Variants in USP43 observed in about 807,000 individuals in gnomAD.
The protein encoded by USP43 is ubiquitin specific peptidase 43, also known as ubiquitin carboxyl-terminal hydrolase 43.
A neutral mutation model predicts 90.7 loss-of-function variants in USP43; 33 were observed. The observed-to-expected ratio is 0.36, with a 90% CI of 0.28 to 0.49. The LOEUF is 0.49. Among genes scored for constraint, USP43 ranks in the 20% least tolerant of loss-of-function variants. The pLI, the probability that USP43 is intolerant of heterozygous loss-of-function variation, is 0.98. For synonymous variants in USP43, 598 were observed against 615.8 expected, an observed-to-expected ratio of 0.97 and a Z score of 0.43; for missense variants, 1,274 against 1,476.4, an observed-to-expected ratio of 0.86 and a Z score of 2.25.
At chr17:9,685,322 G>A (rs1007140885) in intron 7 of USP43, among the ~76,000 whole-genome samples, 3 of 152,202 alleles carry the variant, frequency 2.0e-5, no homozygotes, top group Non-Finnish European at 4.4e-5. Context: ...GCCCATAGGC[G>A]CAGGCTCACC....
chr17:9,728,591 C>A lies in USP43; in HGVS notation c.2973C>A (p.Pro991=), dbSNP rs1363517141. 1.9e-6 allele frequency: 3 copies of A among 1,613,924 alleles called. No individual in the cohort carries two copies. Among genetic ancestry groups the A allele is most frequent in the Admixed American group, 3.3e-5 (2 of 60,018 alleles). Residue 991 remains proline, a synonymous_variant, in exon 15 of 15, where the codon CCC becomes CCA. Transcript: ENST00000285199. The surrounding 1 kb of genome is among the most constrained non-coding windows in gnomAD (Gnocchi z 6.2). ...SRRGTSELDR[P]LQGTLTLLRS... The stretch of plus-strand genomic sequence containing the variant: ...GAGGCACCTCTGAGCTAGACAGACC[C>A]CTGCAGGGGACACTCACCCTTCTGA...
At chr17:9,681,309 AATATATATAAAT>A (rs1339546918) in intron 6 of USP43, among the ~76,000 whole-genome samples, 3 of 112,060 alleles carry the variant, frequency 2.7e-5, no homozygotes, top group Non-Finnish European at 5.0e-5. Flanking sequence ...AATATAGATA[AATATATATAAAT>A]ATATATATAA....
intron 2 of USP43, among the ~76,000 whole-genome samples, chr17:9,657,606 G>A (rs1912353203): frequency 6.6e-6 from 1 of 152,118 alleles, no homozygotes; most frequent in African/African-American, 2.4e-5. Context: ...GAGGCCTCAG[G>A]AAACTTACAA....
In USP43 at chr17:9,701,075, G is replaced by A. The variant is rs1428543949; in HGVS notation, c.1536-44G>A. 1 of 1,438,786 alleles carries A rather than the reference G, an allele frequency of 7.0e-7. No homozygotes were observed. Among genetic ancestry groups the A allele is most frequent in the African/African-American group, 1.4e-5 (1 of 69,594 alleles). 89.1% of individuals were successfully genotyped at this position (1,438,786 alleles called of 1,614,324 possible). ...TAGAGACATAGACGAAACCTGTCTG[G>A]GAGCAGGAAAGTCCTGAACGCCGTG... On this transcript the variant is annotated intron_variant, in intron 10 of 14. Transcript: ENST00000285199. The surrounding 1 kb of genome is among the most constrained non-coding windows in gnomAD (Gnocchi z 7.2).
chr17:9,645,393 G>A (rs928519500), upstream of USP43: 3 of 272,318 alleles, frequency 1.1e-5, no homozygotes, highest in African/African-American at 6.7e-5. The surrounding 1 kb of genome is among the most constrained non-coding windows in gnomAD (Gnocchi z 6.8). Context: ...CAGCGCAGCG[G>A]GGGCGGCACC....
chr17:9,726,754 G>T (rs1460920854), intron 14 of USP43, among the ~76,000 whole-genome samples: 1 of 152,158 alleles, frequency 6.6e-6, no homozygotes, highest in Non-Finnish European at 1.5e-5. Flanking sequence ...TGATGAAGTG[G>T]CACAGTGAGA....
chr17:9,646,257 C>T (rs1484882047), intron 1 of USP43, 121 bp downstream of exon 1: 1 of 1,254,324 alleles, frequency 8.0e-7, no homozygotes, highest in Non-Finnish European at 1.0e-6. Flanking sequence ...CAGTTCAGCC[C>T]CGGATTACCG....
At chr17:9,683,291 G>C (rs949680362) in intron 7 of USP43, among the ~76,000 whole-genome samples, 1 of 152,118 alleles carries the variant, frequency 6.6e-6, no homozygotes, top group Non-Finnish European at 1.5e-5. Flanking sequence ...TTGGTTGTCT[G>C]TCCAGAAAAC....
chr17:9,681,462 T>TTTTTTATA lies in USP43; in HGVS notation c.1105+1097_1105+1098insTTTTATAT, dbSNP rs1491455898. ...TATAGATAAATATATATAAAATATA[T>TTTTTTATA]TATATATATATATATATATATATAT... On this transcript the variant is annotated intron_variant, in intron 6 of 14. Coordinates refer to ENST00000285199, the MANE Select transcript of USP43 (RefSeq NM_153210.5). Among the ~76,000 whole-genome samples the TTTTTTATA allele has an allele frequency of 7.8e-3, 144 of 18,566 alleles. 4 individuals are homozygous for TTTTTTATA. In the East Asian group the frequency reaches 0.079, roughly 10 times the overall value. 12.2% of individuals were successfully genotyped at this position (18,566 alleles called of 152,430 possible). A position where few individuals can be genotyped will look rare whatever the true frequency, so the allele number is the denominator to read the frequency against.
At chr17:9,706,684 C>T (rs1201900263) in intron 12 of USP43, among the ~76,000 whole-genome samples, 4 of 127,592 alleles carry the variant, frequency 3.1e-5, no homozygotes, top group African/African-American at 1.2e-4. Context: ...CGCTCTGTGT[C>T]CCAGGCTGGA....
At chr17:9,678,780 TGA>T (rs1332237224) in intron 5 of USP43, among the ~76,000 whole-genome samples, 1 of 152,042 alleles carries the variant, frequency 6.6e-6, no homozygotes, top group Non-Finnish European at 1.5e-5. Context: ...TCTTTTACAT[TGA>T]GCAATTTTTC....
chr17:9,648,212 G>A (rs1161836666), intron 1 of USP43, among the ~76,000 whole-genome samples: 2 of 152,242 alleles, frequency 1.3e-5, no homozygotes, highest in Non-Finnish European at 2.9e-5. Context: ...AATTTCCTGG[G>A]ATTTTTGGGT....
Position 9,728,709 on chromosome 17 carries a change from A to G in USP43, c.3091A>G (p.Ser1031Gly). The G allele has an allele frequency of 6.2e-7, 1 of 1,604,176 alleles. No individual in the cohort carries two copies. The highest frequency in any genetic ancestry group is 8.5e-7 in the Non-Finnish European group (1 of 1,175,922). ...CGTCTCCCTGGTGAGTGGCGGGCTG[A>G]GCCCTGCCATGGACGGGCAGGCTCC... is the stretch of plus-strand genomic sequence containing the variant. The part of the protein sequence containing the change: ...PPVSLVSGGL[S>G]PAMDGQAPGS... The change falls in exon 15 of 15, where the codon AGC becomes GGC. Residue 1031 changes from serine (S) to glycine (G), a missense_variant. This residue lies in a region of USP43 where 353 missense variants were observed against 329.7 expected (regional missense o/e 1.07). Transcript: ENST00000285199. The surrounding 1 kb of genome is among the most constrained non-coding windows in gnomAD (Gnocchi z 6.2).
At chr17:9,646,513 C>A (rs1381587384) in intron 1 of USP43, among the ~76,000 whole-genome samples, 1 of 152,074 alleles carries the variant, frequency 6.6e-6, no homozygotes, top group Admixed American at 6.6e-5. Flanking sequence ...AAGGCCAAGG[C>A]CTCAGAGGAA....
At chr17:9,704,488 G>A (rs1399004695) in intron 12 of USP43, among the ~76,000 whole-genome samples, 1 of 151,278 alleles carries the variant, frequency 6.6e-6, no homozygotes, top group Non-Finnish European at 1.5e-5. Flanking sequence ...GCTAATTTTT[G>A]TATTTTTTAG....
At position 9,693,139 on chromosome 17, in the gene USP43, C is replaced by A; in HGVS notation, c.1366C>A (p.Leu456Met). 1 of 1,613,566 alleles carries A rather than the reference C, an allele frequency of 6.2e-7. No homozygotes were observed. Among genetic ancestry groups the A allele is most frequent in the South Asian group, 1.1e-5 (1 of 90,902 alleles). ...TTTGTCTTCGCAGAACCTGGGGTCT[C>A]TGTTCTCCATCCGTGTTGTGGGACT... is the stretch of plus-strand genomic sequence containing the variant. ...SEAPVQNLGSLFSIRVVGLSV... is the reference protein window; with the variant it reads ...SEAPVQNLGSMFSIRVVGLSV... Residue 456 changes from leucine (L) to methionine (M), a missense_variant, in exon 9 of 15, where the codon CTG becomes ATG. Transcript: ENST00000285199.
intron 2 of USP43, among the ~76,000 whole-genome samples, chr17:9,657,433 G>A (rs1347345646): frequency 6.6e-6 from 1 of 151,906 alleles, no homozygotes; most frequent in Non-Finnish European, 1.5e-5. Context: ...TTTGAATGTG[G>A]GAGGTGGAGT....
intron 14 of USP43, among the ~76,000 whole-genome samples, chr17:9,724,250 C>T (rs1917131326): frequency 2.0e-5 from 3 of 152,092 alleles, no homozygotes. Context: ...GGAGAAGCTT[C>T]AACTCATCGG....
chr17:9,728,565 C>A lies in USP43; in HGVS notation c.2947C>A (p.Arg983=). The A allele has an allele frequency of 1.2e-6, 2 of 1,614,012 alleles. No individual in the cohort carries two copies. The highest frequency in any genetic ancestry group is 1.7e-6 in the Non-Finnish European group (2 of 1,179,902). The change falls in exon 15 of 15, where the codon CGA becomes AGA. Residue 983 remains arginine (R), a synonymous_variant. Coordinates refer to ENST00000285199, the MANE Select transcript of USP43 (RefSeq NM_153210.5). This position sits in a 1 kb window ranked among gnomAD's most constrained non-coding sequence, Gnocchi z 6.2. ...CTCTGGAAACAGCAAAGACAGTCGC[C>A]GAGGCACCTCTGAGCTAGACAGACC... The part of the protein sequence containing the change: ...GFSGNSKDSR[R]GTSELDRPLQ...
Sources: allele counts gnomAD v4.1 joint callset (sites outside exome capture counted in the v4.1 genomes callset), GRCh38; gene constraint gnomAD v4.1.1; regional missense constraint gnomAD v4.1.1; non-coding constraint Gnocchi (gnomAD v3.1); transcripts MANE v1.5; gene names NCBI Gene and HGNC (gene_info 2026-07-23, HGNC 2026-07-21).